The following NCKAP1 variants were observed in gnomAD, a reference collection of about 807,000 sequenced individuals.
NCKAP1 encodes nck-associated protein 1.
In NCKAP1, 21 loss-of-function variants were observed where a neutral mutation model predicts 151.2. The observed-to-expected ratio is 0.14, with a 90% confidence interval of 0.10 to 0.20. The LOEUF (loss-of-function observed/expected upper bound fraction) is 0.20. NCKAP1 is among the 10% of genes least tolerant of loss of function. The pLI is 1.00. For missense variants in NCKAP1, 933 were observed against 1,352.1 expected, an observed-to-expected ratio of 0.69 and a Z score of 4.86; for synonymous variants, 484 against 451.8, an observed-to-expected ratio of 1.07 and a Z score of -0.90.
intron 15 of NCKAP1, among the ~76,000 whole-genome samples, chr2:182,974,853 C>T (rs542666296): frequency 3.3e-5 from 5 of 152,070 alleles, no homozygotes; most frequent in Admixed American, 6.5e-5. Flanking sequence ...GCTAATAATG[C>T]TCTTATAAAA....
At chr2:182,961,109 T>C (rs377663238) in intron 18 of NCKAP1, among the ~76,000 whole-genome samples, 8 of 152,244 alleles carry the variant, frequency 5.3e-5, no homozygotes, top group Admixed American at 3.3e-4. Context: ...TGTGGAGAAA[T>C]AGGAACACTT....
intron 24 of NCKAP1, among the ~76,000 whole-genome samples, chr2:182,939,736 A>G (rs1311881814): frequency 2.6e-5 from 4 of 152,204 alleles, no homozygotes; most frequent in Non-Finnish European, 4.4e-5. Context: ...AATTAAAAAA[A>G]AGAGAAAGTT....
Position 182,982,852 on chromosome 2 carries a change from G to A in NCKAP1, c.1177C>T (p.Pro393Ser). The A allele has an allele frequency of 6.2e-7, 1 of 1,609,874 alleles. No homozygotes were observed. The highest frequency in any genetic ancestry group is 8.5e-7 in the Non-Finnish European group (1 of 1,177,940). The part of the protein sequence containing the change: ...IWLLRHADNM[P>S]KKSADDFIDK... Reference sequence around the variant, plus strand: ...ATAAAGTCGTCTGCACTCTTCTTTGGCATGTTATCTGCATGACGAAGTAGC... The same window carrying A: ...ATAAAGTCGTCTGCACTCTTCTTTGACATGTTATCTGCATGACGAAGTAGC... Residue 393 changes from proline to serine, a missense_variant, in exon 12 of 31, where the codon CCA (proline) becomes TCA (serine). By Grantham distance (74) the Pro-to-Ser change is moderately conservative. Coordinates refer to ENST00000361354, the MANE Select transcript of NCKAP1 (RefSeq NM_013436.5).
intron 30 of NCKAP1, 37 bp downstream of exon 30, chr2:182,926,779 C>T: frequency 7.1e-7 from 1 of 1,403,620 alleles, no homozygotes; most frequent in Non-Finnish European, 9.9e-7. Flanking sequence ...ACGACTGGAA[C>T]TTTTTTATTG....
chr2:182,921,583 A>T lies in NCKAP1; in HGVS notation c.*4119T>A, dbSNP rs1199623953. The T allele has an allele frequency of 1.3e-5, 2 of 152,248 alleles. No homozygotes were observed. Among genetic ancestry groups the T allele is most frequent in the African/African-American group, 2.4e-5 (1 of 41,466 alleles). The allele number at this position is 152,248 out of a possible 1,614,324, so 9.4% of individuals were successfully genotyped here. A position where few individuals can be genotyped will look rare whatever the true frequency, so the allele number is the denominator to read the frequency against. ...ATTGTCTCAATCCTTAAGAGAAAGAAGAAGGTAAGGGCTGGGGATGAGGGG... is the reference window on the plus strand; with the variant it reads ...ATTGTCTCAATCCTTAAGAGAAAGATGAAGGTAAGGGCTGGGGATGAGGGG... On this transcript the variant is annotated 3_prime_UTR_variant, in exon 31 of 31. Coordinates refer to ENST00000361354, the MANE Select transcript of NCKAP1 (RefSeq NM_013436.5).
chr2:182,946,733 A>G (rs1367478332), intron 23 of NCKAP1, among the ~76,000 whole-genome samples: 1 of 78,568 alleles, frequency 1.3e-5, no homozygotes, highest in Non-Finnish European at 2.5e-5. Context: ...AAAGGCATAA[A>G]CCTACCAAAA....
intron 6 of NCKAP1, among the ~76,000 whole-genome samples, chr2:182,998,773 T>C (rs964224124): frequency 1.5e-5 from 2 of 133,224 alleles, no homozygotes; most frequent in Non-Finnish European, 3.0e-5. Context: ...GGGGTTGCAG[T>C]GAGCCAAGAG....
chr2:182,974,130 G>A (rs1697755225), intron 15 of NCKAP1, among the ~76,000 whole-genome samples: 1 of 151,926 alleles, frequency 6.6e-6, no homozygotes, highest in Non-Finnish European at 1.5e-5. Context: ...CAATACCTAT[G>A]TAAACCTTCT....
In NCKAP1 at chr2:182,976,920, T is replaced by C; in HGVS notation, c.1455A>G (p.Gly485=). 6.5e-7 allele frequency: 1 copy of C among 1,546,440 alleles called. No individual in the cohort carries two copies. Among genetic ancestry groups the C allele is most frequent in the Non-Finnish European group, 8.7e-7 (1 of 1,144,570 alleles). Residue 485 remains glycine, a synonymous_variant, in exon 15 of 31, where the codon GGA becomes GGG. Coordinates refer to ENST00000361354, the MANE Select transcript of NCKAP1 (RefSeq NM_013436.5). ...VEDGEVFDFR[G]MRLDWFRLQA... Reference sequence around the variant, plus strand: ...GTAACCTAAACCAATCTAATCTCATTCCTCTGAAATCAAATACTTCCCCAT... The same window carrying C: ...GTAACCTAAACCAATCTAATCTCATCCCTCTGAAATCAAATACTTCCCCAT...
At position 182,911,653 on chromosome 2, in the gene NCKAP1, C is replaced by G. The variant is rs944477887; in HGVS notation, c.*14049G>C. 6.6e-6 allele frequency: 1 copy of G among 152,006 alleles called. No individual in the cohort carries two copies. The highest frequency in any genetic ancestry group is 2.4e-5 in the African/African-American group (1 of 41,382). The allele number at this position is 152,006 out of a possible 1,614,324, so 9.4% of individuals were successfully genotyped here. ...AAGTTATCAGTTAGGTTTGCTATAT[C>G]CTTTTTTTTCTCCCAAGCTGTTTGA... On this transcript the variant is annotated 3_prime_UTR_variant, in exon 31 of 31. Transcript: ENST00000361354.
chr2:183,029,032 G>A (rs1339648621), intron 1 of NCKAP1, among the ~76,000 whole-genome samples: 4 of 151,832 alleles, frequency 2.6e-5, no homozygotes, highest in Non-Finnish European at 5.9e-5. Flanking sequence ...CAGGAGAATC[G>A]CTTGAACCCG....
intron 9 of NCKAP1, among the ~76,000 whole-genome samples, chr2:182,988,453 C>T (rs1170140169): frequency 1.3e-5 from 2 of 151,978 alleles, no homozygotes; most frequent in South Asian, 4.1e-4. Context: ...ATATTGGCTA[C>T]AGAATCTCAA....
Position 182,915,342 on chromosome 2 carries a change from T to A in NCKAP1, c.*10360A>T, listed in dbSNP as rs1696450741. 6.6e-6 allele frequency: 1 copy of A among 151,954 alleles called. No individual in the cohort carries two copies. Among genetic ancestry groups the A allele is most frequent in the Admixed American group, 6.6e-5 (1 of 15,212 alleles). The allele number at this position is 151,954 out of a possible 1,614,324, so 9.4% of individuals were successfully genotyped here. A position where few individuals can be genotyped will look rare whatever the true frequency, so the allele number is the denominator to read the frequency against. On this transcript the variant is annotated 3_prime_UTR_variant, in exon 31 of 31. Transcript: ENST00000361354. The stretch of plus-strand genomic sequence containing the variant: ...CAGCTGAAGAGAGAATAGTTGAGAG[T>A]TGAGTGATCTATCCTTCAAACTACA...
rs76549997 is a variant in NCKAP1 at position 182,955,794 on chromosome 2, T to C, written c.2153+668A>G. Among the ~76,000 whole-genome samples the C allele has an allele frequency of 8.5e-3, 1,289 of 152,232 alleles. 25 individuals are homozygous for C. Among genetic ancestry groups the C allele is most frequent in the Middle Eastern group, 0.024 (7 of 294 alleles). ...TTTTTCCTATTTTTTCTTCCTCTTG[T>C]CCTTTCTTTCCCTCCCACTTTTCTC... On this transcript the variant is annotated intron_variant, in intron 20 of 30. Coordinates refer to ENST00000361354, the MANE Select transcript of NCKAP1 (RefSeq NM_013436.5).
chr2:182,984,984 G>A (rs189765691), intron 10 of NCKAP1, among the ~76,000 whole-genome samples: 16 of 152,246 alleles, frequency 1.1e-4, no homozygotes, highest in Middle Eastern at 3.4e-3. Context: ...CTATAGTAGC[G>A]TCTATCCCAC....
At chr2:182,951,359 C>T (rs1245705621) in intron 23 of NCKAP1, among the ~76,000 whole-genome samples, 1 of 151,840 alleles carries the variant, frequency 6.6e-6, no homozygotes, top group Non-Finnish European at 1.5e-5. Flanking sequence ...CCACTACCGT[C>T]TATCATTTTC....
chr2:183,015,297 T>G (rs1483771999), intron 2 of NCKAP1, among the ~76,000 whole-genome samples: 1 of 152,170 alleles, frequency 6.6e-6, no homozygotes, highest in Non-Finnish European at 1.5e-5. Flanking sequence ...TAATAATTCA[T>G]TCACACACAA....
chr2:183,026,675 T>C (rs1010930422), intron 1 of NCKAP1, among the ~76,000 whole-genome samples: 2 of 152,134 alleles, frequency 1.3e-5, no homozygotes, highest in Non-Finnish European at 2.9e-5. Flanking sequence ...TTTCATGACT[T>C]ACTAGCCATG....
At position 183,019,857 on chromosome 2, in the gene NCKAP1, C is replaced by T. The variant is rs536000047; in HGVS notation, c.219+3949G>A. ...CCTAGATTTTCCCTAAACCCAGAAT[C>T]GGAAATATAAAACTTGTTACAACTG... On this transcript the variant is annotated intron_variant, in intron 2 of 30. Transcript: ENST00000361354. Among the ~76,000 whole-genome samples the T allele has an allele frequency of 2.6e-5, 4 of 152,108 alleles. No individual in the cohort carries two copies. In the East Asian group the frequency reaches 5.8e-4, roughly 22 times the overall value.
Sources: allele counts gnomAD v4.1 joint callset (sites outside exome capture counted in the v4.1 genomes callset), GRCh38; gene constraint gnomAD v4.1.1; transcripts MANE v1.5; gene names NCBI Gene and HGNC (gene_info 2026-07-23, HGNC 2026-07-21).